The following TRAF2 variants were observed in gnomAD, a reference collection of about 807,000 sequenced individuals.
TRAF2 encodes the protein TNF receptor associated factor 2.
Under a neutral mutation model 55.6 loss-of-function variants are expected in TRAF2, and 6 were observed. The ratio of observed to expected loss-of-function variants is 0.11; its 90% CI spans 0.06 to 0.21. The LOEUF (loss-of-function observed/expected upper bound fraction) is 0.21, where lower values mean the gene tolerates loss of function less well. Among genes scored for constraint, TRAF2 ranks in the 10% least tolerant of loss-of-function variants. TRAF2 has a pLI of 1.00. For missense variants in TRAF2, 561 were observed against 684.5 expected, an observed-to-expected ratio of 0.82 and a Z score of 2.01; for synonymous variants, 329 against 276.3, an observed-to-expected ratio of 1.19 and a Z score of -1.89.
At chr9:136,909,827 CT>C (rs1414850662) in intron 5 of TRAF2, 92 bp from the exon 6 acceptor site, 51 of 1,352,488 alleles carry the variant, frequency 3.8e-5, no homozygotes, top group Non-Finnish European at 2.4e-5. Context: ...CCTGCGGCCC[CT>C]CGGCGCTGCC....
chr9:136,902,331 G>T (rs1295563203), intron 4 of TRAF2: 1 of 152,552 alleles, frequency 6.6e-6, no homozygotes. Context: ...CCAGCTGGCT[G>T]CAGGGAGTAG....
intron 4 of TRAF2, 51 bp from the exon 5 acceptor site, chr9:136,908,019 G>T (rs1182009362): frequency 6.4e-7 from 1 of 1,557,852 alleles, no homozygotes; most frequent in Non-Finnish European, 8.6e-7. Flanking sequence ...AGCTGTGGCT[G>T]CCCAAATGTC....
intron 1 of TRAF2, among the ~76,000 whole-genome samples, chr9:136,896,781 T>C (rs1348930131): frequency 6.6e-6 from 1 of 152,168 alleles, no homozygotes; most frequent in Non-Finnish European, 1.5e-5. Flanking sequence ...GCTAATTTTT[T>C]GTATTTTTAA....
At chr9:136,888,600 C>T (rs1163079389) in intron 1 of TRAF2, among the ~76,000 whole-genome samples, 2 of 152,162 alleles carry the variant, frequency 1.3e-5, no homozygotes, top group African/African-American at 4.8e-5. Context: ...CAAGCGTTTG[C>T]GGCGACTAGG....
intron 1 of TRAF2, among the ~76,000 whole-genome samples, chr9:136,893,203 G>C (rs2784033): frequency 0.8 from 121,476 of 152,134 alleles, 48,731 homozygotes; most frequent in East Asian, 0.87. Flanking sequence ...CAGGTGTGGC[G>C]TCCCCACCGA....
At chr9:136,912,100 A>G (rs973595698) in intron 6 of TRAF2, among the ~76,000 whole-genome samples, 1 of 137,422 alleles carries the variant, frequency 7.3e-6, no homozygotes, top group African/African-American at 2.7e-5. Flanking sequence ...TGATCTGCCC[A>G]CCTCGGCTCC....
Position 136,926,337 on chromosome 9 carries a change from C to A in TRAF2, c.*436C>A, listed in dbSNP as rs1013085869. On this transcript the variant is annotated 3_prime_UTR_variant, in exon 11 of 11. Transcript: ENST00000247668. ...AACGAGGGCTGCTCCAGGAGAAGGGCCTCCTGCTGGCCAGAGCAAGGAAGG... is the reference window on the plus strand; with the variant it reads ...AACGAGGGCTGCTCCAGGAGAAGGGACTCCTGCTGGCCAGAGCAAGGAAGG... 1.1e-5 allele frequency: 4 copies of A among 348,924 alleles called. No individual in the cohort carries two copies. Among genetic ancestry groups the A allele is most frequent in the Admixed American group, 7.6e-5 (2 of 26,244 alleles). The allele number at this position is 348,924 out of a possible 1,614,324, so 21.6% of individuals were successfully genotyped here. A position where few individuals can be genotyped will look rare whatever the true frequency, so the allele number is the denominator to read the frequency against.
intron 7 of TRAF2, among the ~76,000 whole-genome samples, chr9:136,919,680 T>TTCTTCCCTTCGCCCCG (rs17250546): frequency 6.7e-6 from 1 of 148,608 alleles, no homozygotes; most frequent in African/African-American, 2.5e-5. Context: ...TTCCCTCCCC[T>TTCTTCCCTTCGCCCCG]TCTTCCCTTC....
intron 1 of TRAF2, among the ~76,000 whole-genome samples, chr9:136,897,325 G>T (rs1849702157): frequency 6.6e-6 from 1 of 152,194 alleles, no homozygotes; most frequent in African/African-American, 2.4e-5. Context: ...AGAGGGCATG[G>T]TGCAGGGCGC....
At chr9:136,890,871 G>T (rs539065179) in intron 1 of TRAF2, among the ~76,000 whole-genome samples, 1 of 152,260 alleles carries the variant, frequency 6.6e-6, no homozygotes, top group African/African-American at 2.4e-5. Flanking sequence ...TGTCACGATG[G>T]CCACGTGAGG....
At chr9:136,896,305 C>T (rs1849678447) in intron 1 of TRAF2, among the ~76,000 whole-genome samples, 1 of 152,240 alleles carries the variant, frequency 6.6e-6, no homozygotes, top group Non-Finnish European at 1.5e-5. Flanking sequence ...TGACACGTGC[C>T]CCCACGGGGA....
intron 10 of TRAF2, 120 bp from the exon 11 acceptor site, chr9:136,925,563 C>A: frequency 9.6e-7 from 1 of 1,043,960 alleles, no homozygotes; most frequent in South Asian, 1.5e-5. Flanking sequence ...TGGGCCTCAG[C>A]CTCTGGCCTG....
chr9:136,911,264 C>CTTTTTTTTTTTTT (rs34077067), intron 6 of TRAF2, among the ~76,000 whole-genome samples: 2 of 122,566 alleles, frequency 1.6e-5, no homozygotes, highest in African/African-American at 6.3e-5. Flanking sequence ...TCCTTCCCGT[C>CTTTTTTTTTTTTT]TTTTTTTTTT....
chr9:136,919,867 C>T (rs543725469), intron 7 of TRAF2, among the ~76,000 whole-genome samples: 1 of 152,268 alleles, frequency 6.6e-6, no homozygotes, highest in South Asian at 2.1e-4. Flanking sequence ...TGGCACACAC[C>T]ACCATGCCCA....
intron 6 of TRAF2, among the ~76,000 whole-genome samples, chr9:136,915,387 G>A (rs1370454097): frequency 1.3e-5 from 2 of 152,038 alleles, no homozygotes; most frequent in Non-Finnish European, 2.9e-5. Context: ...AAGGTTGGAC[G>A]TGCCACTGTG....
chr9:136,904,733 T>C (rs1286008015), intron 4 of TRAF2, among the ~76,000 whole-genome samples: 3 of 152,236 alleles, frequency 2.0e-5, no homozygotes, highest in Admixed American at 2.0e-4. Context: ...TAATTAAATC[T>C]AAGAACATTG....
intron 1 of TRAF2, among the ~76,000 whole-genome samples, chr9:136,888,420 G>C (rs1435100065): frequency 6.6e-6 from 1 of 152,134 alleles, no homozygotes; most frequent in Non-Finnish European, 1.5e-5. Context: ...GACAGAGCGA[G>C]ACTCCATCTC....
intron 4 of TRAF2, among the ~76,000 whole-genome samples, chr9:136,902,808 G>C (rs1849852797): frequency 6.6e-6 from 1 of 152,202 alleles, no homozygotes; most frequent in Admixed American, 6.5e-5. Flanking sequence ...TGCTCGGAGT[G>C]TGCTGCTAGT....
At chr9:136,916,799 T>G in intron 7 of TRAF2, 184 bp downstream of exon 7, 1 of 618,616 alleles carries the variant, frequency 1.6e-6, no homozygotes, top group Non-Finnish European at 2.9e-6. Flanking sequence ...CCCTGTCCAC[T>G]CCCTCCTGGT....
Sources: allele counts gnomAD v4.1 joint callset (sites outside exome capture counted in the v4.1 genomes callset), GRCh38; gene constraint gnomAD v4.1.1; transcripts MANE v1.5; gene names NCBI Gene and HGNC (gene_info 2026-07-23, HGNC 2026-07-21).